Variants in ZNF638 observed in about 807,000 individuals in gnomAD.
ZNF638 encodes CTCL tumor antigen se33-1.
Under a neutral mutation model 195.6 loss-of-function variants are expected in ZNF638, and 46 were observed. The ratio of observed to expected loss-of-function variants is 0.24; its 90% confidence interval spans 0.19 to 0.30. ZNF638 has a LOEUF of 0.30. Ranked by LOEUF, ZNF638 falls within the 10% of genes least tolerant of loss-of-function variation. The probability of loss-of-function intolerance (pLI) is 1.00; values close to 1 mark genes in which losing one functional copy is unlikely to be tolerated. For synonymous variants in ZNF638, 845 were observed against 772.0 expected, an observed-to-expected ratio of 1.09 and a Z score of -1.57; for missense variants, 2,440 against 2,325.3, an observed-to-expected ratio of 1.05 and a Z score of -1.01.
chr2:71,378,954 C>T (rs887801825), intron 8 of ZNF638, among the ~76,000 whole-genome samples: 1 of 152,146 alleles, frequency 6.6e-6, no homozygotes, highest in Admixed American at 6.5e-5. Context: ...GTAGGTAGAA[C>T]ATACGTTGTA....
intron 1 of ZNF638, among the ~76,000 whole-genome samples, chr2:71,335,121 C>T (rs1426239934): frequency 6.6e-6 from 1 of 152,190 alleles, no homozygotes; most frequent in African/African-American, 2.4e-5. Context: ...CCTGCGGCCT[C>T]TACCTCCTGG....
At chr2:71,332,407 G>A (rs1047124299) in intron 1 of ZNF638, among the ~76,000 whole-genome samples, 3 of 152,212 alleles carry the variant, frequency 2.0e-5, no homozygotes, top group African/African-American at 7.2e-5. Context: ...GTTTGTGTTT[G>A]GGGTTGGGGA....
At chr2:71,388,445 C>A in intron 10 of ZNF638, 1 of 686,052 alleles carries the variant, frequency 1.5e-6, no homozygotes, top group Non-Finnish European at 2.7e-6. Flanking sequence ...CAACAACTAC[C>A]CACAGATTGT....
In ZNF638 at chr2:71,405,633, T is replaced by C. The variant is rs751080817; in HGVS notation, c.2991T>C (p.Asn997=). The part of the protein sequence containing the change: ...EAIFITLVKE[N]DPEANIDTIY... ...TATTTATAACCTTGGTAAAAGAAAATGACCCAGAGGTAAGTTTTGCATTTA... is the reference window on the plus strand; with the variant it reads ...TATTTATAACCTTGGTAAAAGAAAACGACCCAGAGGTAAGTTTTGCATTTA... Residue 997 remains asparagine (N), a synonymous_variant, in exon 18 of 28, where the codon AAT becomes AAC. Transcript: ENST00000264447. 2 of 1,568,590 alleles carry C rather than the reference T, an allele frequency of 1.3e-6. No individual in the cohort carries two copies. The highest frequency in any genetic ancestry group is 3.7e-5 in the Admixed American group (2 of 53,626).
intron 10 of ZNF638, among the ~76,000 whole-genome samples, chr2:71,387,671 A>G (rs1273351360): frequency 6.6e-6 from 1 of 152,192 alleles, no homozygotes; most frequent in Non-Finnish European, 1.5e-5. Flanking sequence ...TCAAAAAAAA[A>G]AAAGTAAAAG....
chr2:71,393,427 C>T (rs1383921349), intron 10 of ZNF638: 1 of 718,646 alleles, frequency 1.4e-6, no homozygotes, highest in South Asian at 1.5e-5. Context: ...TGCATCAGAC[C>T]ATACCATGGC....
At chr2:71,401,364 A>G (rs920422761) in intron 15 of ZNF638, among the ~76,000 whole-genome samples, 2 of 152,076 alleles carry the variant, frequency 1.3e-5, no homozygotes, top group Non-Finnish European at 2.9e-5. Context: ...GCTTAATTGC[A>G]TTGAGGATTG....
Position 71,408,125 on chromosome 2 carries a change from A to G in ZNF638, c.3139A>G (p.Ile1047Val), listed in dbSNP as rs2080141846. 9 of 1,604,860 alleles carry G rather than the reference A, an allele frequency of 5.6e-6. No homozygotes were observed. Among genetic ancestry groups the G allele is most frequent in the South Asian group, 2.3e-5 (2 of 88,624 alleles). The part of the protein sequence containing the change: ...HVFISNRNKA[I>V]LQLDSPESAQ... ...AACTTTTTAATCTTCTCCAAAGGCA[A>G]TTCTTCAGTTAGATAGTCCTGAATC... The change falls in exon 20 of 28, where the codon ATT becomes GTT. Residue 1047 changes from isoleucine (I) to valine (V), a missense_variant. Around this residue, in one of 5 missense-constraint regions of ZNF638, gnomAD observed 1,883 missense variants for 1,739.1 expected, o/e 1.08. Coordinates refer to ENST00000264447, the MANE Select transcript of ZNF638 (RefSeq NM_014497.5).
intron 19 of ZNF638, 21 bp downstream of exon 19, chr2:71,406,283 T>TG (rs1450998632): frequency 1.2e-6 from 2 of 1,603,520 alleles, no homozygotes; most frequent in Non-Finnish European, 1.7e-6. Context: ...CCCTCATAAT[T>TG]TAGCTATTCA....
At chr2:71,383,762 CTTTTTTT>C (rs1181570876) in intron 10 of ZNF638, among the ~76,000 whole-genome samples, 1 of 76,720 alleles carries the variant, frequency 1.3e-5, no homozygotes, top group Non-Finnish European at 2.3e-5. Flanking sequence ...TTTTCTTTTT[CTTTTTTT>C]TTTTTTTTTT....
At chr2:71,386,975 G>A (rs1379456967) in intron 10 of ZNF638, among the ~76,000 whole-genome samples, 1 of 151,832 alleles carries the variant, frequency 6.6e-6, no homozygotes, top group Non-Finnish European at 1.5e-5. Flanking sequence ...ATCCTCCTGA[G>A]TAGCTGGTAT....
At chr2:71,425,468 G>A (rs753074779) in intron 23 of ZNF638, among the ~76,000 whole-genome samples, 24 of 151,342 alleles carry the variant, frequency 1.6e-4, no homozygotes, top group African/African-American at 1.9e-4. Context: ...TTCTAATGTC[G>A]TTATTATATA....
chr2:71,419,974 C>CCCCCTCCCCTTTTTTT (rs1189202093), intron 21 of ZNF638, among the ~76,000 whole-genome samples: 1 of 27,022 alleles, frequency 3.7e-5, no homozygotes, highest in African/African-American at 1.6e-4. Flanking sequence ...CCCCCCCCGC[C>CCCCCTCCCCTTTTTTT]TTTTTTTTTT....
At chr2:71,407,909 T>A (rs1385251929) in intron 19 of ZNF638, 1 of 413,182 alleles carries the variant, frequency 2.4e-6, no homozygotes, top group East Asian at 4.1e-5. Context: ...CACATTTTTA[T>A]ATCCACTCAT....
intron 10 of ZNF638, chr2:71,393,285 A>G: frequency 1.6e-6 from 1 of 623,210 alleles, no homozygotes; most frequent in East Asian, 2.8e-5. Context: ...ACCTCTCAAG[A>G]CATAAAACCC....
chr2:71,332,984 TGTA>T (rs1320966908), intron 1 of ZNF638: 4 of 152,206 alleles, frequency 2.6e-5, no homozygotes, highest in African/African-American at 9.6e-5. Flanking sequence ...CCTCATTTGT[TGTA>T]AAGGATTATT....
intron 3 of ZNF638, among the ~76,000 whole-genome samples, chr2:71,358,397 C>G (rs1246373602): frequency 6.6e-6 from 1 of 152,194 alleles, no homozygotes; most frequent in South Asian, 2.1e-4. Flanking sequence ...CCAAATCGCT[C>G]TCTCGTCTGG....
At chr2:71,426,386 T>A in intron 23 of ZNF638, 74 bp from the exon 24 acceptor site, 1 of 1,101,640 alleles carries the variant, frequency 9.1e-7, no homozygotes, top group Non-Finnish European at 1.3e-6. Context: ...GCATGCACAT[T>A]TATTGTGACT....
chr2:71,400,569 A>G lies in ZNF638; in HGVS notation c.2697+51A>G, dbSNP rs570196580. 3.4e-6 allele frequency: 5 copies of G among 1,490,880 alleles called. No individual in the cohort carries two copies. In the South Asian group the frequency reaches 3.9e-5, roughly 12 times the overall value. 92.4% of individuals were successfully genotyped at this position (1,490,880 alleles called of 1,614,324 possible). On this transcript the variant is annotated intron_variant, in intron 15 of 27. Transcript: ENST00000264447. Reference sequence around the variant, plus strand: ...CTTTAAAGCTCAAGACATTTTAACAAAAGATATTTTTCTTATAAACCCAGG... The same window carrying G: ...CTTTAAAGCTCAAGACATTTTAACAGAAGATATTTTTCTTATAAACCCAGG...
Sources: gnomAD v4.1 joint callset for allele counts (sites outside exome capture counted in the v4.1 genomes callset) on GRCh38, gnomAD v4.1.1 for gene constraint, gnomAD v4.1.1 regional missense constraint, MANE v1.5 for transcripts, NCBI Gene and HGNC (gene_info 2026-07-23, HGNC 2026-07-21) for gene names.